SDC2: variants seen among roughly 807,000 people sequenced by gnomAD.
SDC2 encodes the protein syndecan-2.
Under a neutral mutation model 22.2 loss-of-function variants are expected in SDC2, and 13 were observed. That is an observed-to-expected ratio of 0.59 (90% CI 0.38 to 0.93). The LOEUF (loss-of-function observed/expected upper bound fraction) is 0.93. Among genes scored for constraint, SDC2 ranks in the 40% least tolerant of loss-of-function variants. The probability of loss-of-function intolerance (pLI) is 0.00; values close to 1 mark genes in which losing one functional copy is unlikely to be tolerated. For synonymous variants in SDC2, 94 were observed against 92.8 expected (o/e 1.01, Z -0.07); for missense variants, 235 against 246.8 (o/e 0.95, Z 0.32).
At chr8:96,550,295 C>T (rs1814006578) in intron 1 of SDC2, among the ~76,000 whole-genome samples, 2 of 152,294 alleles carry the variant, frequency 1.3e-5, no homozygotes, top group African/African-American at 4.8e-5. Context: ...CAAAGAAATG[C>T]TCACGGGAGC....
intron 1 of SDC2, among the ~76,000 whole-genome samples, chr8:96,566,739 C>G (rs1814305505): frequency 1.3e-5 from 2 of 149,198 alleles, no homozygotes; most frequent in Non-Finnish European, 3.0e-5. Flanking sequence ...TCATTCTGAC[C>G]TTATAATTTG....
intron 1 of SDC2, among the ~76,000 whole-genome samples, chr8:96,502,496 C>T (rs1447058171): frequency 1.1e-5 from 1 of 94,468 alleles, no homozygotes; most frequent in East Asian, 2.2e-4. Context: ...ACTTGATATA[C>T]TGGGGGTCTT....
At chr8:96,597,403 C>T (rs1205809182) in intron 2 of SDC2, among the ~76,000 whole-genome samples, 1 of 152,126 alleles carries the variant, frequency 6.6e-6, no homozygotes, top group Non-Finnish European at 1.5e-5. Context: ...AAATTTCAGT[C>T]GAGGGGATGT....
intron 1 of SDC2, among the ~76,000 whole-genome samples, chr8:96,523,907 A>C (rs1813536250): frequency 6.6e-6 from 1 of 152,126 alleles, no homozygotes; most frequent in Non-Finnish European, 1.5e-5. Flanking sequence ...CTTTAAGATT[A>C]TTTCTTCTCT....
intron 1 of SDC2, among the ~76,000 whole-genome samples, chr8:96,527,369 C>T (rs910269363): frequency 1.3e-5 from 2 of 152,198 alleles, no homozygotes; most frequent in Non-Finnish European, 2.9e-5. Context: ...ATAGGAGACT[C>T]CTAATCCTCT....
intron 1 of SDC2, among the ~76,000 whole-genome samples, chr8:96,496,071 G>A (rs1399448501): frequency 6.6e-6 from 1 of 152,158 alleles, no homozygotes; most frequent in Non-Finnish European, 1.5e-5. Context: ...AATTTCAAGA[G>A]CCTGCCTAAA....
chr8:96,544,225 A>G (rs1242721320), intron 1 of SDC2, among the ~76,000 whole-genome samples: 1 of 152,182 alleles, frequency 6.6e-6, no homozygotes, highest in African/African-American at 2.4e-5. Flanking sequence ...TTGGATGTGT[A>G]CTTACCTATC....
chr8:96,549,646 G>A (rs1326676785), intron 1 of SDC2, among the ~76,000 whole-genome samples: 2 of 152,174 alleles, frequency 1.3e-5, no homozygotes, highest in East Asian at 3.9e-4. Context: ...ATGGTACCTT[G>A]CATCAAGGAA....
chr8:96,556,189 T>C (rs1226570631), intron 1 of SDC2, among the ~76,000 whole-genome samples: 6 of 152,178 alleles, frequency 3.9e-5, no homozygotes, highest in Non-Finnish European at 8.8e-5. Context: ...TATATTCCCC[T>C]CTTTGGGAAT....
At chr8:96,599,087 G>T (rs191324478) in intron 2 of SDC2, among the ~76,000 whole-genome samples, 1 of 151,554 alleles carries the variant, frequency 6.6e-6, no homozygotes, top group East Asian at 2.0e-4. Context: ...GACTACAGGC[G>T]CCCACCACCA....
At chr8:96,504,027 G>C (rs1047592925) in intron 1 of SDC2, among the ~76,000 whole-genome samples, 6 of 152,170 alleles carry the variant, frequency 3.9e-5, no homozygotes, top group African/African-American at 1.4e-4. Flanking sequence ...TCCAAGGACA[G>C]TTTCAACATC....
chr8:96,512,413 A>G (rs1813342547), intron 1 of SDC2, among the ~76,000 whole-genome samples: 1 of 152,222 alleles, frequency 6.6e-6, no homozygotes, highest in Non-Finnish European at 1.5e-5. Flanking sequence ...TAAGAATCCC[A>G]GAATAGCTTC....
chr8:96,598,543 G>A (rs1169848491), intron 2 of SDC2, among the ~76,000 whole-genome samples: 1 of 152,066 alleles, frequency 6.6e-6, no homozygotes, highest in South Asian at 2.1e-4. Context: ...GCTTGAACTC[G>A]GGAGGCGGAG....
chr8:96,559,911 T>A (rs1161808749), intron 1 of SDC2, among the ~76,000 whole-genome samples: 1 of 152,208 alleles, frequency 6.6e-6, no homozygotes, highest in Non-Finnish European at 1.5e-5. Flanking sequence ...TCTTGATAAT[T>A]TGATCTTAAA....
At chr8:96,590,609 T>C (rs1208210918) in intron 1 of SDC2, among the ~76,000 whole-genome samples, 16 of 152,096 alleles carry the variant, frequency 1.1e-4, no homozygotes, top group Non-Finnish European at 2.9e-5. Flanking sequence ...ATAAAAGGAA[T>C]TTGTCATGAG....
intron 1 of SDC2, among the ~76,000 whole-genome samples, chr8:96,545,545 A>G (rs1011365214): frequency 6.6e-6 from 1 of 152,162 alleles, no homozygotes; most frequent in African/African-American, 2.4e-5. Flanking sequence ...AATGGAGCAA[A>G]GTCTAAGGTG....
chr8:96,552,922 A>C (rs918885801), intron 1 of SDC2, among the ~76,000 whole-genome samples: 1 of 152,194 alleles, frequency 6.6e-6, no homozygotes, highest in African/African-American at 2.4e-5. Flanking sequence ...AGCTACTAAG[A>C]GTTTTCTGGT....
chr8:96,607,563 G>A (rs1354921612), intron 3 of SDC2, among the ~76,000 whole-genome samples: 4 of 152,216 alleles, frequency 2.6e-5, no homozygotes, highest in South Asian at 2.1e-4. Flanking sequence ...AGAGTTAAAG[G>A]TGGTACAGCC....
intron 1 of SDC2, among the ~76,000 whole-genome samples, chr8:96,562,026 T>C (rs893192417): frequency 6.6e-6 from 1 of 152,218 alleles, no homozygotes; most frequent in Admixed American, 6.5e-5. Flanking sequence ...TTATTTCTCC[T>C]GTGGATCATG....
Sources: gnomAD v4.1 joint callset for allele counts (sites outside exome capture counted in the v4.1 genomes callset) on GRCh38, gnomAD v4.1.1 for gene constraint, MANE v1.5 for transcripts, NCBI Gene and HGNC (gene_info 2026-07-23, HGNC 2026-07-21) for gene names.